PPIG: variants seen among roughly 807,000 people sequenced by gnomAD.
PPIG encodes peptidylprolyl isomerase G.
A neutral mutation model predicts 87.9 loss-of-function variants in PPIG; 26 were observed. The observed-to-expected ratio is 0.30, with a 90% confidence interval of 0.22 to 0.41. PPIG has a LOEUF of 0.41. Ranked by LOEUF, PPIG falls within the 10% of genes least tolerant of loss-of-function variation. The pLI, the probability that PPIG is intolerant of heterozygous loss-of-function variation, is 1.00. For missense variants in PPIG, 722 were observed against 879.4 expected, an observed-to-expected ratio of 0.82 and a Z score of 2.26; for synonymous variants, 308 against 276.5, an observed-to-expected ratio of 1.11 and a Z score of -1.13.
intron 9 of PPIG, among the ~76,000 whole-genome samples, chr2:169,618,672 C>G (rs1377360260): frequency 6.6e-6 from 1 of 151,922 alleles, no homozygotes; most frequent in African/African-American, 2.4e-5. Flanking sequence ...TGATGGTAGT[C>G]TGTATTTCTA....
At chr2:169,588,958 C>CAAAAAAAAAAAAAAAAAAAAAAAAAAA (rs549776875) in intron 1 of PPIG, among the ~76,000 whole-genome samples, 1 of 68,410 alleles carries the variant, frequency 1.5e-5, no homozygotes, top group African/African-American at 4.9e-5. Context: ...AACTCCCTCT[C>CAAAAAAAAAAAAAAAAAAAAAAAAAAA]AAAAAAAAAA....
In PPIG at chr2:169,607,138, AT is replaced by A; in HGVS notation, c.285del (p.Phe95LeufsTer32). On this transcript the variant is annotated frameshift_variant, in exon 6 of 14. Coordinates refer to ENST00000260970, the MANE Select transcript of PPIG (RefSeq NM_004792.3). LOFTEE classifies it high-confidence loss of function. Reference protein sequence around the residue: ...GRGGESIYGGFFEDESFAVKH... With the variant: ...GRGGESIYGGXFEDESFAVKH... The stretch of plus-strand genomic sequence containing the variant: ...GAGGAGGGGAATCTATCTATGGAGG[AT>A]TTTTTGAAGGTAAAAATGTTTACAT... 6.4e-7 allele frequency: 1 copy of A among 1,556,406 alleles called. No homozygotes were observed. Among genetic ancestry groups the A allele is most frequent in the Non-Finnish European group, 8.8e-7 (1 of 1,133,984 alleles).
intron 1 of PPIG, among the ~76,000 whole-genome samples, chr2:169,588,005 A>C (rs1196433589): frequency 6.6e-6 from 1 of 152,026 alleles, no homozygotes; most frequent in African/African-American, 2.4e-5. Context: ...TTCTACTTAG[A>C]ATACAAAAAT....
At chr2:169,601,450 C>T (rs2121455) in intron 1 of PPIG, among the ~76,000 whole-genome samples, 1 of 151,924 alleles carries the variant, frequency 6.6e-6, no homozygotes, top group Non-Finnish European at 1.5e-5. Flanking sequence ...GCAATAAATG[C>T]TTGGAAGAAA....
At chr2:169,603,813 A>G in intron 2 of PPIG, 119 bp downstream of exon 2, 1 of 554,252 alleles carries the variant, frequency 1.8e-6, no homozygotes, top group Non-Finnish European at 3.2e-6. Flanking sequence ...GTTAAGGCTT[A>G]ACTTTCAAGT....
intron 12 of PPIG, 92 bp from the exon 13 acceptor site, chr2:169,636,000 C>A (rs970007009): frequency 1.2e-6 from 1 of 865,658 alleles, no homozygotes; most frequent in Non-Finnish European, 1.7e-6. Flanking sequence ...TACCTCCTGA[C>A]CCTCACCCCA....
At chr2:169,592,631 G>T (rs1025069612) in intron 1 of PPIG, among the ~76,000 whole-genome samples, 2 of 151,884 alleles carry the variant, frequency 1.3e-5, no homozygotes, top group African/African-American at 4.8e-5. Flanking sequence ...ATAGAGATGC[G>T]TTCTCATTAT....
intron 12 of PPIG, among the ~76,000 whole-genome samples, chr2:169,635,133 AGATCCCACTTTGAGATTCACTGTCT>A (rs1686148131): frequency 6.6e-6 from 1 of 152,242 alleles, no homozygotes; most frequent in African/African-American, 2.4e-5. Flanking sequence ...TTTAGATCCT[AGATCCCACTTTGAGATTCACTGTCT>A]GATCTTTTTT....
In PPIG at chr2:169,637,386, G is replaced by A; in HGVS notation, c.2128G>A (p.Glu710Lys). 1 of 1,612,724 alleles carries A rather than the reference G, an allele frequency of 6.2e-7. No individual in the cohort carries two copies. Among genetic ancestry groups the A allele is most frequent in the East Asian group, 2.2e-5 (1 of 44,850 alleles). Residue 710 changes from glutamate (E) to lysine (K), a missense_variant, in exon 14 of 14, where the codon GAG becomes AAG. By Grantham distance (56) the Glu-to-Lys change is moderately conservative. Coordinates refer to ENST00000260970, the MANE Select transcript of PPIG (RefSeq NM_004792.3). ...ELKSSMLKNKEDEKIRSSVEK... is the reference protein window; with the variant it reads ...ELKSSMLKNKKDEKIRSSVEK... ...AAAGTCCTCCATGTTGAAAAATAAG[G>A]AGGATGAGAAGATCAGATCCTCAGT...
At chr2:169,587,105 A>T (rs1025170106) in intron 1 of PPIG, among the ~76,000 whole-genome samples, 5 of 151,508 alleles carry the variant, frequency 3.3e-5, no homozygotes, top group Admixed American at 6.6e-5. Context: ...GGTAATTTTT[A>T]TATTTTTAGT....
At chr2:169,601,950 AGTG>A (rs1242225042) in intron 1 of PPIG, among the ~76,000 whole-genome samples, 3 of 152,192 alleles carry the variant, frequency 2.0e-5, no homozygotes, top group Non-Finnish European at 2.9e-5. Context: ...TATATTTTGA[AGTG>A]GTAATAGTTT....
chr2:169,637,293 G>GA lies in PPIG; in HGVS notation c.2042dup (p.Ala682GlyfsTer2). On this transcript the variant is annotated frameshift_variant, in exon 14 of 14. Transcript: ENST00000260970. LOFTEE classifies it high-confidence loss of function. ...TCATAATAGCTCAAATAACAGCAGG[G>GA]AAAAAAAGGCTGATAGAGATCAAAG... 6.2e-7 allele frequency: 1 copy of GA among 1,603,414 alleles called. No individual in the cohort carries two copies. The highest frequency in any genetic ancestry group is 1.1e-5 in the South Asian group (1 of 88,360).
chr2:169,590,268 T>C (rs1170075823), intron 1 of PPIG, among the ~76,000 whole-genome samples: 1 of 152,290 alleles, frequency 6.6e-6, no homozygotes, highest in East Asian at 1.9e-4. Flanking sequence ...CTGTGTTTGG[T>C]GTTGAAGATA....
Position 169,604,059 on chromosome 2 carries a change from A to C in PPIG, c.18A>C (p.Gln6His), listed in dbSNP as rs900515056. 9.9e-6 allele frequency: 16 copies of C among 1,613,798 alleles called. No individual in the cohort carries two copies. The highest frequency in any genetic ancestry group is 1.7e-5 in the Admixed American group (1 of 59,994). Reference protein sequence around the residue: MGIKVQRPRCFFDIAI... With the variant: MGIKVHRPRCFFDIAI... ...TTGGAGCCATGGGAATAAAGGTTCA[A>C]CGTCCTCGATGTTTTTTTGACATTG... is the stretch of plus-strand genomic sequence containing the variant. The change falls in exon 3 of 14, where the codon CAA becomes CAC. Residue 6 changes from glutamine (Q) to histidine (H), a missense_variant. Physicochemically the swap from Gln to His is conservative, Grantham distance 24. Around this residue, in one of 4 missense-constraint regions of PPIG, gnomAD observed 99 missense variants for 215.8 expected, o/e 0.46. Transcript: ENST00000260970.
At chr2:169,623,326 T>C (rs933908736) in intron 9 of PPIG, among the ~76,000 whole-genome samples, 1 of 152,196 alleles carries the variant, frequency 6.6e-6, no homozygotes, top group Non-Finnish European at 1.5e-5. Flanking sequence ...TCACTGCAGT[T>C]GTTAACCCAT....
chr2:169,603,492 T>TATA (rs1239702819), intron 1 of PPIG, 150 bp from the exon 2 acceptor site: 5 of 10,902 alleles, frequency 4.6e-4, no homozygotes, highest in African/African-American at 1.5e-3. Context: ...ACATATACTA[T>TATA]TTAACAATAG....
chr2:169,585,845 A>AGT (rs142446175), intron 1 of PPIG, among the ~76,000 whole-genome samples: 495 of 151,666 alleles, frequency 3.3e-3, no homozygotes, highest in Admixed American at 5.1e-3. Context: ...AAAAAGAGTG[A>AGT]GTGTGTGTGT....
intron 1 of PPIG, among the ~76,000 whole-genome samples, chr2:169,586,954 G>C (rs1684720663): frequency 6.6e-6 from 1 of 151,984 alleles, no homozygotes; most frequent in East Asian, 1.9e-4. Context: ...ATTTTTTTCA[G>C]ACAGAGTCTT....
intron 11 of PPIG, 94 bp from the exon 12 acceptor site, chr2:169,633,066 G>A (rs939682090): frequency 7.4e-6 from 7 of 942,056 alleles, no homozygotes; most frequent in Non-Finnish European, 1.0e-5. Flanking sequence ...ATGAGCCACC[G>A]CACCCGGCCC....
Sources: gnomAD v4.1 joint callset for allele counts (sites outside exome capture counted in the v4.1 genomes callset) on GRCh38, gnomAD v4.1.1 for gene constraint, gnomAD v4.1.1 regional missense constraint, MANE v1.5 for transcripts, NCBI Gene and HGNC (gene_info 2026-07-23, HGNC 2026-07-21) for gene names.